Variants in NTM observed in about 807,000 individuals in gnomAD.
NTM encodes the protein neurotrimin, also known as IgLON family member 2.
Under a neutral mutation model 42.1 loss-of-function variants are expected in NTM, and 13 were observed. The ratio of observed to expected loss-of-function variants is 0.31; its 90% confidence interval spans 0.20 to 0.49. The LOEUF (loss-of-function observed/expected upper bound fraction) is 0.49. NTM is among the 20% of genes least tolerant of loss of function. NTM has a pLI of 0.99. For synonymous variants in NTM, 187 were observed against 179.2 expected, an observed-to-expected ratio of 1.04 and a Z score of -0.35; for missense variants, 373 against 452.8, an observed-to-expected ratio of 0.82 and a Z score of 1.60.
Position 132,139,143 on chromosome 11 carries a change from A to G in NTM, c.168-7139A>G, listed in dbSNP as rs78318943. 4.7e-3 allele frequency among the ~76,000 whole-genome samples: 716 copies of G among 152,270 alleles called. 6 individuals are homozygous for G. Among genetic ancestry groups the G allele is most frequent in the Non-Finnish European group, 7.0e-3 (474 of 68,020 alleles). ...CTTCTGTGTTTGGACTGTTTTGAACATGCTAGGGAAAGAAAAGGAAAGAAA... is the reference window on the plus strand; with the variant it reads ...CTTCTGTGTTTGGACTGTTTTGAACGTGCTAGGGAAAGAAAAGGAAAGAAA... On this transcript the variant is annotated intron_variant, in intron 2 of 8. Coordinates refer to ENST00000683400, the MANE Select transcript of NTM (RefSeq NM_001352005.2).
chr11:132,024,618 A>G (rs943740338), intron 2 of NTM, among the ~76,000 whole-genome samples: 2 of 152,164 alleles, frequency 1.3e-5, no homozygotes, highest in African/African-American at 4.8e-5. Flanking sequence ...CATATAGGGC[A>G]AATGTGGGAC....
chr11:132,235,532 C>A lies in NTM; in HGVS notation c.526+23385C>A, dbSNP rs558724533. ...GAAACAAAACTATAAAAAGGAAGTT[C>A]TATTTCTTTCCTACTTTTCTTTTTC... On this transcript the variant is annotated intron_variant, in intron 4 of 8. Coordinates refer to ENST00000683400, the MANE Select transcript of NTM (RefSeq NM_001352005.2). Among the ~76,000 whole-genome samples, 119 of 152,278 alleles carry A rather than the reference C, an allele frequency of 7.8e-4. 4 individuals are homozygous for A. In the South Asian group the frequency reaches 0.013, roughly 17 times the overall value.
intron 1 of NTM, among the ~76,000 whole-genome samples, chr11:131,716,026 G>A (rs1234622586): frequency 6.6e-6 from 1 of 152,186 alleles, no homozygotes; most frequent in East Asian, 1.9e-4. Context: ...TATTAACAGA[G>A]CAGCTTGTAA....
intron 1 of NTM, among the ~76,000 whole-genome samples, chr11:131,720,764 A>G (rs2135395184): frequency 6.6e-6 from 1 of 152,336 alleles, no homozygotes; most frequent in Admixed American, 6.5e-5. Context: ...AACAGGCTGC[A>G]TAAGTTCTCA....
chr11:132,209,961 T>C (rs1332386038), intron 3 of NTM, among the ~76,000 whole-genome samples: 1 of 152,198 alleles, frequency 6.6e-6, no homozygotes, highest in Non-Finnish European at 1.5e-5. Flanking sequence ...AAGATATCTT[T>C]ATAAACTCCC....
At chr11:131,682,709 G>A (rs1315411374) in intron 1 of NTM, among the ~76,000 whole-genome samples, 3 of 152,186 alleles carry the variant, frequency 2.0e-5, no homozygotes, top group East Asian at 1.9e-4. Context: ...TTTGCTCTCA[G>A]CGCCTCCACT....
intron 2 of NTM, among the ~76,000 whole-genome samples, chr11:132,143,082 C>T (rs1202118812): frequency 2.0e-5 from 3 of 152,166 alleles, no homozygotes; most frequent in Non-Finnish European, 4.4e-5. Flanking sequence ...AAGGACTCTG[C>T]TTCTGGTTTC....
intron 2 of NTM, among the ~76,000 whole-genome samples, chr11:132,141,638 G>A (rs980961957): frequency 9.9e-5 from 15 of 152,232 alleles, no homozygotes; most frequent in African/African-American, 3.4e-4. Flanking sequence ...CACAGGTGGG[G>A]CACCCTCAAT....
At chr11:131,678,778 G>C (rs899088268) in intron 1 of NTM, among the ~76,000 whole-genome samples, 1 of 152,112 alleles carries the variant, frequency 6.6e-6, no homozygotes, top group Non-Finnish European at 1.5e-5. Context: ...AGCCTCTCGT[G>C]TCTGGACTTC....
At chr11:131,715,777 T>C (rs2077632089) in intron 1 of NTM, among the ~76,000 whole-genome samples, 1 of 152,232 alleles carries the variant, frequency 6.6e-6, no homozygotes, top group African/African-American at 2.4e-5. Context: ...TTGTCTGGCT[T>C]CCTTCACTCA....
chr11:132,147,210 T>A (rs61905963), intron 3 of NTM, among the ~76,000 whole-genome samples: 1,924 of 125,946 alleles, frequency 0.015, 6 homozygotes, highest in Non-Finnish European at 0.022. Flanking sequence ...TGTGTGTGTG[T>A]GTGTGAGAGA....
At chr11:131,946,197 T>C (rs1262609142) in intron 2 of NTM, among the ~76,000 whole-genome samples, 7 of 151,938 alleles carry the variant, frequency 4.6e-5, no homozygotes, top group East Asian at 1.9e-4. Flanking sequence ...CGCGGGAGAC[T>C]GGGAGATGGG....
intron 2 of NTM, among the ~76,000 whole-genome samples, chr11:131,925,944 T>C (rs2057893239): frequency 6.6e-6 from 1 of 152,178 alleles, no homozygotes; most frequent in Non-Finnish European, 1.5e-5. Context: ...TGGCACATAA[T>C]AGGAGCTGAA....
At chr11:131,595,911 G>T (rs1418712410) in intron 1 of NTM, among the ~76,000 whole-genome samples, 1 of 152,222 alleles carries the variant, frequency 6.6e-6, no homozygotes, top group Non-Finnish European at 1.5e-5. Flanking sequence ...AGGGGTTCTT[G>T]TCAACAGGAC....
chr11:131,671,855 T>C (rs376832137), intron 1 of NTM, among the ~76,000 whole-genome samples: 78 of 152,264 alleles, frequency 5.1e-4, no homozygotes, highest in African/African-American at 1.8e-3. Flanking sequence ...AAGGCCCCTC[T>C]GAAGGCCAAG....
intron 4 of NTM, among the ~76,000 whole-genome samples, chr11:132,226,921 T>G (rs2086423771): frequency 6.6e-6 from 1 of 152,230 alleles, no homozygotes; most frequent in African/African-American, 2.4e-5. Flanking sequence ...ACTATTCTTG[T>G]CCATCAAAAA....
chr11:131,566,883 C>A (rs1325576388), intron 1 of NTM, among the ~76,000 whole-genome samples: 1 of 152,102 alleles, frequency 6.6e-6, no homozygotes, highest in East Asian at 1.9e-4. Flanking sequence ...AGTAGAATAT[C>A]AATTGCCTGT....
chr11:132,054,243 T>G (rs1037936272), intron 2 of NTM, among the ~76,000 whole-genome samples: 1 of 152,128 alleles, frequency 6.6e-6, no homozygotes, highest in Non-Finnish European at 1.5e-5. Flanking sequence ...AATCAAAATA[T>G]TGTTTCCACA....
At position 131,939,671 on chromosome 11, in the gene NTM, A is replaced by G. The variant is rs78662433; in HGVS notation, c.167+28023A>G. On this transcript the variant is annotated intron_variant, in intron 2 of 8. Coordinates refer to ENST00000683400, the MANE Select transcript of NTM (RefSeq NM_001352005.2). Reference sequence around the variant, plus strand: ...TTGTTTTGTAAATCTTTCTTCTCTTAATACTCCTGATTCTTGCAAGCTGCT... The same window carrying G: ...TTGTTTTGTAAATCTTTCTTCTCTTGATACTCCTGATTCTTGCAAGCTGCT... 8.6e-3 allele frequency among the ~76,000 whole-genome samples: 1,303 copies of G among 152,244 alleles called. 23 individuals carry two copies. Among genetic ancestry groups the G allele is most frequent in the African/African-American group, 0.03 (1,247 of 41,550 alleles).
Sources: gnomAD v4.1 joint callset for allele counts (sites outside exome capture counted in the v4.1 genomes callset) on GRCh38, gnomAD v4.1.1 for gene constraint, MANE v1.5 for transcripts, NCBI Gene and HGNC (gene_info 2026-07-23, HGNC 2026-07-21) for gene names.